Variants in RANBP1 observed in about 807,000 individuals in gnomAD.
RANBP1 encodes ran-specific GTPase-activating protein.
In RANBP1, 16 loss-of-function variants were observed where a neutral mutation model predicts 31.4. That is an observed-to-expected ratio of 0.51 (90% CI 0.34 to 0.77). RANBP1 has a LOEUF of 0.77. Ranked by LOEUF, RANBP1 falls within the 30% of genes least tolerant of loss-of-function variation. The probability of loss-of-function intolerance (pLI) is 0.01; values close to 1 mark genes in which losing one functional copy is unlikely to be tolerated. For missense variants in RANBP1, 265 were observed against 362.0 expected, an observed-to-expected ratio of 0.73 and a Z score of 2.17; for synonymous variants, 129 against 140.5, an observed-to-expected ratio of 0.92 and a Z score of 0.58.
intron 1 of RANBP1, chr22:20,116,666 C>T (rs1409614141): frequency 6.0e-6 from 9 of 1,499,506 alleles, no homozygotes; most frequent in African/African-American, 1.4e-5. Flanking sequence ...GGGGGCCTGG[C>T]CCCCCAAGCT....
chr22:20,125,742 C>G, intron 4 of RANBP1: 1 of 1,086,206 alleles, frequency 9.2e-7, no homozygotes, highest in African/African-American at 1.6e-5. Flanking sequence ...GTTGCGGAGC[C>G]TGAGGCCCAA....
intron 1 of RANBP1, 108 bp downstream of exon 1, chr22:20,116,538 A>AG (rs1313153034): frequency 2.2e-5 from 35 of 1,601,602 alleles, no homozygotes; most frequent in Non-Finnish European, 2.6e-5. Context: ...CCGGGGCTGC[A>AG]GGGGGCACCG....
At chr22:20,124,192 G>A (rs914861713) in intron 3 of RANBP1, 4 of 152,664 alleles carry the variant, frequency 2.6e-5, no homozygotes, top group African/African-American at 9.7e-5. Flanking sequence ...TGCTCCCAGA[G>A]CCTGGGTCAG....
At chr22:20,121,485 G>A (rs746583589) in intron 2 of RANBP1, among the ~76,000 whole-genome samples, 1 of 152,008 alleles carries the variant, frequency 6.6e-6, no homozygotes, top group Non-Finnish European at 1.5e-5. Flanking sequence ...CCGACGTCAG[G>A]TGATCCACCC....
intron 4 of RANBP1, 104 bp from the exon 5 acceptor site, chr22:20,126,199 A>T (rs2147993658): frequency 7.4e-7 from 1 of 1,346,924 alleles, no homozygotes; most frequent in East Asian, 2.3e-5. Flanking sequence ...GTCAGCAATT[A>T]CCATGAAATG....
At chr22:20,126,476 C>T (rs778556788) in intron 5 of RANBP1, 108 bp downstream of exon 5, 4 of 1,601,112 alleles carry the variant, frequency 2.5e-6, no homozygotes, top group Non-Finnish European at 3.4e-6. Flanking sequence ...TTCCAGGGTG[C>T]TGTGGCCGCC....
chr22:20,125,072 C>T (rs2050266329), intron 3 of RANBP1: 2 of 515,070 alleles, frequency 3.9e-6, no homozygotes, highest in Non-Finnish European at 6.9e-6. Flanking sequence ...AACAGGTGCC[C>T]ATTCCTATTT....
chr22:20,121,141 G>A (rs1367915171), intron 2 of RANBP1, among the ~76,000 whole-genome samples: 2 of 152,176 alleles, frequency 1.3e-5, no homozygotes, highest in Non-Finnish European at 2.9e-5. Context: ...TTTTAGTAGA[G>A]ATGGGGTTTC....
chr22:20,116,450 T>C lies in RANBP1; in HGVS notation c.246+20T>C, dbSNP rs1374503053. The C allele has an allele frequency of 6.2e-7, 1 of 1,612,824 alleles. No homozygotes were observed. Among genetic ancestry groups the C allele is most frequent in the Non-Finnish European group, 8.5e-7 (1 of 1,179,872 alleles). ...TCAGAGGTAAACAAGTCATCCCTGA[T>C]GTAGCTGTAGAGCCCGGGCTGAGGC... On this transcript the variant is annotated intron_variant, in intron 1 of 5. Transcript: ENST00000430524.
At chr22:20,117,264 A>C (rs1053008760) in intron 1 of RANBP1, 2 of 611,818 alleles carry the variant, frequency 3.3e-6, no homozygotes, top group Non-Finnish European at 4.9e-6. Context: ...CACGCGCCGG[A>C]TCCAACCCCC....
chr22:20,125,280 C>G (rs1166476478), intron 3 of RANBP1, 28 bp from the exon 4 acceptor site: 1 of 1,611,278 alleles, frequency 6.2e-7, no homozygotes, highest in East Asian at 2.2e-5. Context: ...AGTCATCTCA[C>G]CATCTTCACG....
chr22:20,122,256 T>C lies in RANBP1; in HGVS notation c.384-8T>C. 1 of 1,612,062 alleles carries C rather than the reference T, an allele frequency of 6.2e-7. No individual in the cohort carries two copies. The highest frequency in any genetic ancestry group is 8.5e-7 in the Non-Finnish European group (1 of 1,178,930). On this transcript the variant is annotated splice_polypyrimidine_tract_variant and splice_region_variant and intron_variant, in intron 2 of 5. Coordinates refer to ENST00000430524, the MANE Select transcript of RANBP1 (RefSeq NM_001278639.2). ...TCTGCACTCTTAACCTCACGGCTTT[T>C]CTTGCAGGCGGGCAAAACTGTTCCG...
chr22:20,121,498 C>T (rs2050170544), intron 2 of RANBP1, among the ~76,000 whole-genome samples: 1 of 152,128 alleles, frequency 6.6e-6, no homozygotes, highest in African/African-American at 2.4e-5. Context: ...ATCCACCCAC[C>T]TCAGCCTCCC....
intron 2 of RANBP1, among the ~76,000 whole-genome samples, chr22:20,121,472 C>G (rs1362324145): frequency 6.6e-6 from 1 of 152,110 alleles, no homozygotes; most frequent in African/African-American, 2.4e-5. Flanking sequence ...TGGTCTCGAA[C>G]TCCCGACGTC....
At chr22:20,123,629 G>A (rs562462450) in intron 3 of RANBP1, among the ~76,000 whole-genome samples, 1 of 151,980 alleles carries the variant, frequency 6.6e-6, no homozygotes, top group Non-Finnish European at 1.5e-5. Flanking sequence ...GAGGGGAACG[G>A]GGCTGAGAAG....
In RANBP1 at chr22:20,122,315, G is replaced by A. The variant is rs1256756313; in HGVS notation, c.435G>A (p.Lys145=). 1.2e-6 allele frequency: 2 copies of A among 1,613,156 alleles called. No homozygotes were observed. The highest frequency in any genetic ancestry group is 3.3e-5 in the Admixed American group (2 of 59,996). ...FASENDLPEW[K]ERGTGDVKLL... ...CTGAGAACGATCTCCCAGAATGGAA[G>A]GAGCGAGGCACTGGTGACGTCAAGC... The change falls in exon 3 of 6, where the codon AAG becomes AAA. Residue 145 remains lysine, a synonymous_variant. Transcript: ENST00000430524.
At chr22:20,119,931 G>A (rs1192869672) in intron 2 of RANBP1, among the ~76,000 whole-genome samples, 1 of 152,230 alleles carries the variant, frequency 6.6e-6, no homozygotes, top group Non-Finnish European at 1.5e-5. Flanking sequence ...TCAGTTAAGA[G>A]CTGGCTACAG....
In RANBP1 at chr22:20,127,195, T is replaced by G. The variant is rs1325878459; in HGVS notation, c.*143T>G. 3 of 194,220 alleles carry G rather than the reference T, an allele frequency of 1.5e-5. No homozygotes were observed. Among genetic ancestry groups the G allele is most frequent in the South Asian group, 1.1e-4 (1 of 9,186 alleles). The allele number at this position is 194,220 out of a possible 1,614,324, so 12.0% of individuals were successfully genotyped here. ...AGAACTGAACTCAACATTCAGGTTG[T>G]TTTTTTTTTTTGTTTCTAAGTTTTT... On this transcript the variant is annotated 3_prime_UTR_variant, in exon 6 of 6. Transcript: ENST00000430524.
At chr22:20,118,466 GAATCCAGTGTA>G (rs1432033207) in intron 1 of RANBP1, among the ~76,000 whole-genome samples, 1 of 152,220 alleles carries the variant, frequency 6.6e-6, no homozygotes, top group Non-Finnish European at 1.5e-5. Flanking sequence ...GCAGAGCTGT[GAATCCAGTGTA>G]AATACTAGCA....
Sources: gnomAD v4.1 joint callset for allele counts (sites outside exome capture counted in the v4.1 genomes callset) on GRCh38, gnomAD v4.1.1 for gene constraint, MANE v1.5 for transcripts, NCBI Gene and HGNC (gene_info 2026-07-23, HGNC 2026-07-21) for gene names.